The following EP400 variants were observed in gnomAD, a reference collection of about 807,000 sequenced individuals.
EP400 encodes the protein E1A-binding protein p400.
EP400 carries 105 observed loss-of-function variants against 354.1 expected under a neutral mutation model. That is an observed-to-expected ratio of 0.30 (90% confidence interval 0.25 to 0.35). The LOEUF (loss-of-function observed/expected upper bound fraction) is 0.35. Among genes scored for constraint, EP400 ranks in the 10% least tolerant of loss-of-function variants. The probability of loss-of-function intolerance (pLI) is 1.00; values close to 1 mark genes in which losing one functional copy is unlikely to be tolerated. For synonymous variants in EP400, 1,646 were observed against 1,716.9 expected, an observed-to-expected ratio of 0.96 and a Z score of 1.02; for missense variants, 3,280 against 4,121.0, an observed-to-expected ratio of 0.80 and a Z score of 5.59.
intron 19 of EP400, among the ~76,000 whole-genome samples, chr12:132,014,674 C>T (rs1441405107): frequency 6.6e-6 from 1 of 152,202 alleles, no homozygotes; most frequent in Non-Finnish European, 1.5e-5. Context: ...TTACCCCCTA[C>T]CCCGTGCCAC....
At chr12:131,972,946 G>A (rs192157762) in intron 2 of EP400, among the ~76,000 whole-genome samples, 56 of 152,010 alleles carry the variant, frequency 3.7e-4, no homozygotes, top group Admixed American at 1.0e-3. Context: ...CGGCCAGGCT[G>A]GTCTCGAACT....
chr12:131,975,116 G>C (rs1892426951), intron 2 of EP400, among the ~76,000 whole-genome samples: 1 of 151,944 alleles, frequency 6.6e-6, no homozygotes, highest in South Asian at 2.1e-4. Context: ...AGGAGTTCCT[G>C]TGTCTTCTGC....
At position 131,960,566 on chromosome 12, in the gene EP400, T is replaced by C; in HGVS notation, c.-35-19T>C. The C allele has an allele frequency of 6.6e-7, 1 of 1,519,842 alleles. No homozygotes were observed. Among genetic ancestry groups the C allele is most frequent in the South Asian group, 1.3e-5 (1 of 79,754 alleles). The allele number at this position is 1,519,842 out of a possible 1,614,324, so 94.1% of individuals were successfully genotyped here. A position where few individuals can be genotyped will look rare whatever the true frequency, so the allele number is the denominator to read the frequency against. On this transcript the variant is annotated intron_variant, in intron 1 of 52. Coordinates refer to ENST00000389561, the MANE Select transcript of EP400 (RefSeq NM_015409.5). ...TTATGTGTGCCTTCAAGTGACTTGA[T>C]TTTAATTTTAATTTTTAGGAGAACG...
chr12:132,073,900 A>G (rs1345538297), intron 51 of EP400, among the ~76,000 whole-genome samples: 1 of 105,250 alleles, frequency 9.5e-6, no homozygotes, highest in Non-Finnish European at 1.9e-5. Context: ...AGAATTCCGG[A>G]TTGGCATTGT....
At chr12:132,028,387 C>T in intron 27 of EP400, 99 bp downstream of exon 27, 1 of 1,432,900 alleles carries the variant, frequency 7.0e-7, no homozygotes, top group South Asian at 1.3e-5. Flanking sequence ...CTCCCATCGG[C>T]TTCTCCCCAC....
Position 131,993,367 on chromosome 12 carries a change from A to G in EP400, c.2737+1137A>G, listed in dbSNP as rs75604801. Reference sequence around the variant, plus strand: ...TAGTACCATCCTGCACTGGGGATGGATTGAACTCTGGCCTTTCAGACAACA... The same window carrying G: ...TAGTACCATCCTGCACTGGGGATGGGTTGAACTCTGGCCTTTCAGACAACA... On this transcript the variant is annotated intron_variant, in intron 11 of 52. Coordinates refer to ENST00000389561, the MANE Select transcript of EP400 (RefSeq NM_015409.5). 1.6e-4 allele frequency among the ~76,000 whole-genome samples: 24 copies of G among 152,260 alleles called. No homozygotes were observed. The East Asian group carries it at 4.4e-3, about 28-fold the overall frequency.
Position 132,025,888 on chromosome 12 carries a change from C to CT in EP400, c.5014+87dup, listed in dbSNP as rs34495190. 1.1e-4 allele frequency: 160 copies of CT among 1,431,474 alleles called. No homozygotes were observed. In the South Asian group the frequency reaches 1.8e-3, roughly 16 times the overall value. The allele number at this position is 1,431,474 out of a possible 1,614,324, so 88.7% of individuals were successfully genotyped here. On this transcript the variant is annotated intron_variant, in intron 25 of 52. Coordinates refer to ENST00000389561, the MANE Select transcript of EP400 (RefSeq NM_015409.5). This position sits in a 1 kb window ranked among gnomAD's most constrained non-coding sequence, Gnocchi z 4.1. ...AGGCGAGTGGAAAGCATTCATGTGT[C>CT]TTTGACTGTATCTCAGAACAGCACA...
At position 131,962,375 on chromosome 12, in the gene EP400, A is replaced by G. The variant is rs534395710; in HGVS notation, c.1335+421A>G. Among the ~76,000 whole-genome samples the G allele has an allele frequency of 5.9e-3, 906 of 152,306 alleles. 6 individuals are homozygous for G. Among genetic ancestry groups the G allele is most frequent in the Non-Finnish European group, 6.1e-3 (417 of 68,030 alleles). On this transcript the variant is annotated intron_variant, in intron 2 of 52. Transcript: ENST00000389561. ...CCAGCACCCTTTGTCTGGTTTTCCA[A>G]GTTTCACATTTTACTCGTATAGATC... is the stretch of plus-strand genomic sequence containing the variant.
chr12:132,035,772 AG>A (rs1250421571), intron 30 of EP400, among the ~76,000 whole-genome samples: 5 of 149,426 alleles, frequency 3.3e-5, no homozygotes, highest in African/African-American at 1.2e-4. Flanking sequence ...GCACACAGCC[AG>A]GTTCACACGG....
chr12:132,045,578 T>G lies in EP400; in HGVS notation c.7026+18T>G. 6.2e-7 allele frequency: 1 copy of G among 1,613,024 alleles called. No homozygotes were observed. The highest frequency in any genetic ancestry group is 8.5e-7 in the Non-Finnish European group (1 of 1,179,216). Reference sequence around the variant, plus strand: ...TGCTGCAGGTAGGTGGGCGTGGTCTTTGTGCCAGCGGTCATGTGCGGTCAT... The same window carrying G: ...TGCTGCAGGTAGGTGGGCGTGGTCTGTGTGCCAGCGGTCATGTGCGGTCAT... On this transcript the variant is annotated intron_variant, in intron 38 of 52. Transcript: ENST00000389561.
At chr12:132,010,689 C>T (rs937316602) in intron 15 of EP400, among the ~76,000 whole-genome samples, 1 of 152,208 alleles carries the variant, frequency 6.6e-6, no homozygotes, top group Non-Finnish European at 1.5e-5. Context: ...TGCCTCTAAT[C>T]CCAGCACGTT....
rs1895733262 is a variant in EP400, at chr12:132,062,544, AACAACAG to A, written c.8178_8184del (p.Gln2726HisfsTer49). 2 of 1,593,106 alleles carry A rather than the reference AACAACAG, an allele frequency of 1.3e-6. No individual in the cohort carries two copies. Among genetic ancestry groups the A allele is most frequent in the African/African-American group, 2.8e-5 (2 of 71,632 alleles). ...CTCAGGCAGCAGCAGCAGCAGCAGC[AACAACAG>A]CAGCAGCAGCAGCAGCAGCAGCAGC... On this transcript the variant is annotated frameshift_variant, in exon 47 of 53. Coordinates refer to ENST00000389561, the MANE Select transcript of EP400 (RefSeq NM_015409.5). LOFTEE classifies it high-confidence loss of function.
chr12:131,977,198 G>T (rs1892511375), intron 2 of EP400, among the ~76,000 whole-genome samples: 1 of 152,188 alleles, frequency 6.6e-6, no homozygotes, highest in South Asian at 2.1e-4. Context: ...GTGCAGTAGT[G>T]CAGTCTCGGC....
chr12:132,059,976 T>TTGTGC (rs1593381336), intron 45 of EP400, among the ~76,000 whole-genome samples: 1 of 150,212 alleles, frequency 6.7e-6, no homozygotes, highest in East Asian at 2.0e-4. Context: ...TGAGCCAAGA[T>TTGTGC]CACACCATTG....
chr12:132,003,343 A>T (rs1314800160), intron 12 of EP400, among the ~76,000 whole-genome samples: 1 of 152,178 alleles, frequency 6.6e-6, no homozygotes, highest in African/African-American at 2.4e-5. Context: ...TAACCTAGAG[A>T]TTATTTAAAA....
rs1737717919 is a variant in EP400 at position 132,070,863 on chromosome 12, G to C, written c.9021+1222G>C. On this transcript the variant is annotated intron_variant, in intron 51 of 52. Transcript: ENST00000389561. This position sits in a 1 kb window ranked among gnomAD's most constrained non-coding sequence, Gnocchi z 4.1. ...TTTTAATTTCCATTTTCTGTCTCTGGCTGTTGTACATTTTTGTACATTAGT... is the reference window on the plus strand; with the variant it reads ...TTTTAATTTCCATTTTCTGTCTCTGCCTGTTGTACATTTTTGTACATTAGT... 6.6e-6 allele frequency among the ~76,000 whole-genome samples: 1 copy of C among 152,010 alleles called. No individual in the cohort carries two copies.
rs1424800560 is a variant in EP400 at position 131,961,597 on chromosome 12, C to T, written c.978C>T (p.Ala326=). The part of the protein sequence containing the change: ...PPPPTSPSRT[A]VPPGLSSLPL... ...CGCCCACCAGCCCTTCCAGGACTGC[C>T]GTGCCCCCAGGCCTTTCCAGCCTCC... The change falls in exon 2 of 53, where the codon GCC becomes GCT. Residue 326 remains alanine (A), a synonymous_variant. Coordinates refer to ENST00000389561, the MANE Select transcript of EP400 (RefSeq NM_015409.5). The T allele has an allele frequency of 9.6e-6, 15 of 1,562,172 alleles. No homozygotes were observed. Among genetic ancestry groups the T allele is most frequent in the Middle Eastern group, 2.1e-4 (1 of 4,682 alleles).
chr12:132,028,065 G>A lies in EP400; in HGVS notation c.5158G>A (p.Val1720Ile), dbSNP rs768311727. 6.2e-7 allele frequency: 1 copy of A among 1,614,226 alleles called. No homozygotes were observed. The highest frequency in any genetic ancestry group is 8.5e-7 in the Non-Finnish European group (1 of 1,180,038). ...LKERLDQIYL[V>I]NERRCSQAPV... ...AGAGCGCCTGGATCAGATTTATTTA[G>A]TCAACGAGCGGCGCTGTTCTCAAGC... Residue 1720 changes from valine (V) to isoleucine (I), a missense_variant, in exon 27 of 53, where the codon GTC (valine) becomes ATC (isoleucine). Physicochemically the swap from Val to Ile is conservative, Grantham distance 29 (BLOSUM62 3). This residue lies in a region of EP400 where 459 missense variants were observed against 496.9 expected (regional missense o/e 0.92). Coordinates refer to ENST00000389561, the MANE Select transcript of EP400 (RefSeq NM_015409.5).
intron 45 of EP400, among the ~76,000 whole-genome samples, chr12:132,060,419 A>T (rs543280092): frequency 2.2e-4 from 33 of 152,328 alleles, no homozygotes; most frequent in South Asian, 1.2e-3. Context: ...CCAGTCAAGG[A>T]TGAGAAAAAG....
Sources: allele counts gnomAD v4.1 joint callset (sites outside exome capture counted in the v4.1 genomes callset), GRCh38; gene constraint gnomAD v4.1.1; regional missense constraint gnomAD v4.1.1; non-coding constraint Gnocchi (gnomAD v3.1); transcripts MANE v1.5; gene names NCBI Gene and HGNC (gene_info 2026-07-23, HGNC 2026-07-21).